The following CTCF variants were observed in gnomAD, a reference collection of about 807,000 sequenced individuals.
The protein encoded by CTCF is transcriptional repressor CTCF.
In CTCF, 7 loss-of-function variants were observed where a neutral mutation model predicts 72.3. The observed-to-expected ratio is 0.10, with a 90% CI of 0.06 to 0.18. CTCF has a LOEUF of 0.18. Among genes scored for constraint, CTCF ranks in the 10% least tolerant of loss-of-function variants. The pLI, the probability that CTCF is intolerant of heterozygous loss-of-function variation, is 1.00. For missense variants in CTCF, 516 were observed against 949.1 expected (o/e 0.54, Z 6.00); for synonymous variants, 374 against 315.8 (o/e 1.18, Z -1.95).
chr16:67,611,898 A>C (rs965457040), intron 3 of CTCF, 53 bp from the exon 4 acceptor site: 3 of 1,487,708 alleles, frequency 2.0e-6, no homozygotes, highest in Non-Finnish European at 2.8e-6. Flanking sequence ...GATTAGGATT[A>C]ATCTTAACAC....
intron 5 of CTCF, among the ~76,000 whole-genome samples, chr16:67,617,228 G>A (rs2052143668): frequency 6.6e-6 from 1 of 152,126 alleles, no homozygotes; most frequent in African/African-American, 2.4e-5. Flanking sequence ...GCTGGGCCTG[G>A]TGGCTCACAG....
intron 2 of CTCF, among the ~76,000 whole-genome samples, chr16:67,576,733 T>C (rs1270962000): frequency 1.3e-5 from 2 of 151,992 alleles, no homozygotes; most frequent in African/African-American, 4.8e-5. Context: ...GGTTTCACCA[T>C]GTTAGCCAGG....
intron 5 of CTCF, 138 bp from the exon 6 acceptor site, chr16:67,620,559 G>C (rs1184877515): frequency 1.6e-5 from 10 of 613,910 alleles, no homozygotes; most frequent in African/African-American, 9.2e-5. Flanking sequence ...AAATAATGAA[G>C]AGGGAAGAAG....
chr16:67,569,562 A>G (rs1232677721), intron 1 of CTCF, among the ~76,000 whole-genome samples: 2 of 151,958 alleles, frequency 1.3e-5, no homozygotes, highest in African/African-American at 4.8e-5. Flanking sequence ...TTGACAGTTC[A>G]TTTTGTAATT....
At chr16:67,573,977 G>C (rs1220610827) in intron 2 of CTCF, among the ~76,000 whole-genome samples, 1 of 151,850 alleles carries the variant, frequency 6.6e-6, no homozygotes, top group Non-Finnish European at 1.5e-5. Flanking sequence ...GTTGCAGTGA[G>C]CCGAGATCAT....
chr16:67,625,663 T>A (rs2052273159), intron 7 of CTCF, among the ~76,000 whole-genome samples: 1 of 152,204 alleles, frequency 6.6e-6, no homozygotes. Flanking sequence ...ACTTGTACAT[T>A]TATATTCCTA....
chr16:67,637,728 A>T lies in CTCF; in HGVS notation c.2040A>T (p.Ala680=). The change falls in exon 12 of 12, where the codon GCA becomes GCT. Residue 680 remains alanine, a synonymous_variant. Transcript: ENST00000264010. ...AGGTTGAAGACCAGAATACAGGTGC[A>T]ATTGAGAACATTATAGTTGAAGTAA... ...IIQVEDQNTG[A]IENIIVEVKK... is the part of the protein sequence containing the mutation. 1 of 1,613,970 alleles carries T rather than the reference A, an allele frequency of 6.2e-7. No homozygotes were observed. Among genetic ancestry groups the T allele is most frequent in the South Asian group, 1.1e-5 (1 of 91,078 alleles).
At chr16:67,573,956 G>A (rs572002167) in intron 2 of CTCF, among the ~76,000 whole-genome samples, 48 of 152,100 alleles carry the variant, frequency 3.2e-4, no homozygotes, top group South Asian at 2.1e-4. Context: ...GCTTGAACCC[G>A]GGAGGCGGAA....
At chr16:67,572,947 GC>G (rs1359051975) in intron 2 of CTCF, among the ~76,000 whole-genome samples, 561 of 41,456 alleles carry the variant, frequency 0.014, 2 homozygotes, top group East Asian at 0.047. Flanking sequence ...GCCCCCCCCC[GC>G]CCCCCCCCCC....
In CTCF at chr16:67,631,680, A is replaced by ACC. The variant is rs796178685; in HGVS notation, c.1837+2157_1837+2158dup. 5.5e-3 allele frequency among the ~76,000 whole-genome samples: 314 copies of ACC among 57,160 alleles called. 2 individuals carry two copies. Among genetic ancestry groups the ACC allele is most frequent in the Non-Finnish European group, 8.6e-3 (251 of 29,252 alleles). The allele number at this position is 57,160 out of a possible 152,430, so 37.5% of individuals were successfully genotyped here. A position where few individuals can be genotyped will look rare whatever the true frequency, so the allele number is the denominator to read the frequency against. On this transcript the variant is annotated intron_variant, in intron 10 of 11. Coordinates refer to ENST00000264010, the MANE Select transcript of CTCF (RefSeq NM_006565.4). Reference sequence around the variant, plus strand: ...TTGGATCTGTAACAAGGTCCCCCCCACCCCCCCCCCCTTTTTTTTTTCCTT... The same window carrying ACC: ...TTGGATCTGTAACAAGGTCCCCCCCACCCCCCCCCCCCCTTTTTTTTTTCCTT...
intron 2 of CTCF, among the ~76,000 whole-genome samples, chr16:67,571,655 G>A (rs2051422210): frequency 6.6e-6 from 1 of 152,140 alleles, no homozygotes; most frequent in South Asian, 2.1e-4. Context: ...TTGACTATTG[G>A]CAAATGAACT....
At chr16:67,581,504 T>C (rs1187139895) in intron 2 of CTCF, among the ~76,000 whole-genome samples, 4 of 151,902 alleles carry the variant, frequency 2.6e-5, no homozygotes, top group Non-Finnish European at 4.4e-5. Context: ...ATTTTATTTT[T>C]ATTTTATTTA....
intron 2 of CTCF, among the ~76,000 whole-genome samples, chr16:67,579,627 TGGCCTCCCAACTGCCCA>T (rs1373441682): frequency 1.3e-5 from 2 of 152,134 alleles, no homozygotes; most frequent in African/African-American, 4.8e-5. Flanking sequence ...CCAATTGCCC[TGGCCTCCCAACTGCCCA>T]GGCTTCCTGA....
chr16:67,627,115 C>T (rs182903131), intron 8 of CTCF: 30 of 154,836 alleles, frequency 1.9e-4, no homozygotes, highest in East Asian at 1.5e-3. Context: ...TTTATCAAGC[C>T]GGGTGCAGTG....
intron 10 of CTCF, 123 bp from the exon 11 acceptor site, chr16:67,636,567 G>GTA: frequency 3.4e-6 from 1 of 294,306 alleles, no homozygotes; most frequent in Non-Finnish European, 5.2e-6. Context: ...AAGAAAGAAA[G>GTA]TGTATATATA....
At chr16:67,637,644 G>A (rs2052448869) in intron 11 of CTCF, 44 bp from the exon 12 acceptor site, 2 of 1,549,544 alleles carry the variant, frequency 1.3e-6, no homozygotes, top group East Asian at 2.3e-5. Context: ...TGATTCTTGG[G>A]GCTTTAATGG....
chr16:67,577,699 G>A (rs1043230952), intron 2 of CTCF, among the ~76,000 whole-genome samples: 7 of 151,662 alleles, frequency 4.6e-5, no homozygotes, highest in East Asian at 3.9e-4. Flanking sequence ...CGTCCACCTC[G>A]GCCTCCCAAA....
intron 7 of CTCF, among the ~76,000 whole-genome samples, chr16:67,624,121 G>A (rs1385638847): frequency 8.0e-5 from 10 of 124,648 alleles, no homozygotes; most frequent in African/African-American, 2.7e-4. Flanking sequence ...GTGTGTATGT[G>A]TGTGTATATA....
At chr16:67,621,310 G>A (rs531047901) in intron 6 of CTCF, 132 bp from the exon 7 acceptor site, 2 of 650,678 alleles carry the variant, frequency 3.1e-6, no homozygotes, top group East Asian at 5.5e-5. Flanking sequence ...CGGGAACTGG[G>A]ACTGAGCCTC....
Sources: allele counts gnomAD v4.1 joint callset (sites outside exome capture counted in the v4.1 genomes callset), GRCh38; gene constraint gnomAD v4.1.1; transcripts MANE v1.5; gene names NCBI Gene and HGNC (gene_info 2026-07-23, HGNC 2026-07-21).